Variants in CHST8 observed in about 807,000 individuals in gnomAD.
CHST8 encodes GALNAC-4-ST1.
A neutral mutation model predicts 15.0 loss-of-function variants in CHST8; 10 were observed. The observed-to-expected ratio is 0.67, with a 90% CI of 0.41 to 1.13. CHST8 has a LOEUF of 1.13. CHST8 is among the 50% of genes most tolerant of loss of function. The pLI is 0.00. For synonymous variants in CHST8, 259 were observed against 256.6 expected, an observed-to-expected ratio of 1.01 and a Z score of -0.09; for missense variants, 634 against 608.2, an observed-to-expected ratio of 1.04 and a Z score of -0.45.
intron 1 of CHST8, among the ~76,000 whole-genome samples, chr19:33,639,435 T>C (rs1177397349): frequency 6.6e-6 from 1 of 152,136 alleles, no homozygotes; most frequent in African/African-American, 2.4e-5. Flanking sequence ...CCTCTCAGCA[T>C]CGGGGCAGCC....
chr19:33,703,002 C>G (rs998151987), intron 3 of CHST8, among the ~76,000 whole-genome samples: 5 of 152,208 alleles, frequency 3.3e-5, no homozygotes, highest in African/African-American at 1.2e-4. Context: ...ACACCTCCCC[C>G]ACCTCTGTTC....
chr19:33,757,353 C>T (rs1458183597), intron 3 of CHST8, among the ~76,000 whole-genome samples: 1 of 146,802 alleles, frequency 6.8e-6, no homozygotes, highest in Admixed American at 7.0e-5. Context: ...GCACTCCAGC[C>T]TGGGCAACAG....
At chr19:33,637,291 G>A (rs529738450) in intron 1 of CHST8, among the ~76,000 whole-genome samples, 6 of 152,268 alleles carry the variant, frequency 3.9e-5, no homozygotes, top group Non-Finnish European at 8.8e-5. Context: ...CAGCCCAGTA[G>A]GTCTCAGCCT....
chr19:33,740,185 G>A (rs978357979), intron 3 of CHST8, among the ~76,000 whole-genome samples: 1 of 151,832 alleles, frequency 6.6e-6, no homozygotes, highest in African/African-American at 2.4e-5. Flanking sequence ...TAGTTCACAG[G>A]AGCAAACATC....
At chr19:33,673,900 C>T (rs753503024) in intron 2 of CHST8, among the ~76,000 whole-genome samples, 5 of 152,288 alleles carry the variant, frequency 3.3e-5, no homozygotes, top group African/African-American at 7.2e-5. Context: ...AATACAGGCT[C>T]GCGCCATCAC....
At chr19:33,723,797 C>T (rs1170799351) in intron 3 of CHST8, among the ~76,000 whole-genome samples, 1 of 152,204 alleles carries the variant, frequency 6.6e-6, no homozygotes, top group Non-Finnish European at 1.5e-5. Context: ...AGCCTTTTGC[C>T]AAGGGGTGGC....
chr19:33,748,916 G>A (rs751978886), intron 3 of CHST8, among the ~76,000 whole-genome samples: 5 of 152,242 alleles, frequency 3.3e-5, no homozygotes, highest in South Asian at 2.1e-4. Context: ...CATCAGGACC[G>A]AAGGCTCACT....
intron 2 of CHST8, among the ~76,000 whole-genome samples, chr19:33,680,559 A>G (rs983826454): frequency 2.6e-5 from 4 of 152,220 alleles, no homozygotes; most frequent in Admixed American, 2.6e-4. Flanking sequence ...CATAATCACC[A>G]CGTATCCACA....
chr19:33,729,610 G>T (rs950412414), intron 3 of CHST8, among the ~76,000 whole-genome samples: 1 of 152,218 alleles, frequency 6.6e-6, no homozygotes, highest in Non-Finnish European at 1.5e-5. Flanking sequence ...TGGTTGAGGT[G>T]CTTTCATAGG....
At chr19:33,659,846 A>G (rs1972563364) in intron 1 of CHST8, among the ~76,000 whole-genome samples, 1 of 152,114 alleles carries the variant, frequency 6.6e-6, no homozygotes, top group Non-Finnish European at 1.5e-5. Context: ...TAAAAACTTT[A>G]TGTGTCGAGA....
intron 3 of CHST8, among the ~76,000 whole-genome samples, chr19:33,740,110 C>G (rs1974158043): frequency 6.6e-6 from 1 of 152,142 alleles, no homozygotes; most frequent in South Asian, 2.1e-4. Context: ...GAATTTGATG[C>G]AAATACGAGG....
At chr19:33,702,424 A>G (rs113290884) in intron 3 of CHST8, among the ~76,000 whole-genome samples, 8 of 152,312 alleles carry the variant, frequency 5.3e-5, no homozygotes, top group Non-Finnish European at 1.0e-4. Flanking sequence ...TTCTCAAAGG[A>G]CATTTCTTGC....
At chr19:33,659,228 G>A (rs2145219667) in intron 1 of CHST8, among the ~76,000 whole-genome samples, 1 of 151,978 alleles carries the variant, frequency 6.6e-6, no homozygotes, top group South Asian at 2.1e-4. Context: ...ACCACACCCG[G>A]CTAATTTTGT....
At chr19:33,649,419 C>A (rs1972404212) in intron 1 of CHST8, among the ~76,000 whole-genome samples, 1 of 152,120 alleles carries the variant, frequency 6.6e-6, no homozygotes, top group Non-Finnish European at 1.5e-5. Context: ...AGAAGGGGTT[C>A]ACAACCTACA....
chr19:33,642,303 C>CG (rs1555710970), intron 1 of CHST8, among the ~76,000 whole-genome samples: 3 of 152,126 alleles, frequency 2.0e-5, no homozygotes, highest in African/African-American at 7.2e-5. Flanking sequence ...GGCCCCCCCC[C>CG]ACTCCACCTC....
intron 1 of CHST8, among the ~76,000 whole-genome samples, chr19:33,655,986 T>TTTA (rs1304199894): frequency 6.6e-6 from 1 of 152,196 alleles, no homozygotes; most frequent in Non-Finnish European, 1.5e-5. Flanking sequence ...ATCTTTCTTC[T>TTTA]TTACGAATAA....
At chr19:33,680,933 G>A (rs1489840691) in intron 2 of CHST8, among the ~76,000 whole-genome samples, 2 of 152,018 alleles carry the variant, frequency 1.3e-5, no homozygotes, top group Non-Finnish European at 2.9e-5. Flanking sequence ...ATATACAGTT[G>A]TAAGAAATAA....
chr19:33,754,956 G>A (rs1317207634), intron 3 of CHST8, among the ~76,000 whole-genome samples: 2 of 152,196 alleles, frequency 1.3e-5, no homozygotes, highest in Admixed American at 6.5e-5. Context: ...GCACCTGTCT[G>A]CAGCCTGATC....
intron 3 of CHST8, among the ~76,000 whole-genome samples, chr19:33,737,403 C>T (rs890021928): frequency 1.3e-5 from 2 of 152,166 alleles, no homozygotes; most frequent in Non-Finnish European, 2.9e-5. Flanking sequence ...CACTGAGACA[C>T]GCATTCGGAA....
Sources: gnomAD v4.1 joint callset for allele counts (sites outside exome capture counted in the v4.1 genomes callset) on GRCh38, gnomAD v4.1.1 for gene constraint, MANE v1.5 for transcripts, NCBI Gene and HGNC (gene_info 2026-07-23, HGNC 2026-07-21) for gene names.